The following IL6ST variants were observed in gnomAD, a reference collection of about 807,000 sequenced individuals.
The protein encoded by IL6ST is interleukin-6 receptor subunit beta.
A neutral mutation model predicts 91.3 loss-of-function variants in IL6ST; 24 were observed. That is an observed-to-expected ratio of 0.26 (90% CI 0.19 to 0.37). IL6ST has a LOEUF of 0.37. IL6ST is among the 10% of genes least tolerant of loss of function. The pLI is 1.00. For missense variants in IL6ST, 914 were observed against 1,078.5 expected, an observed-to-expected ratio of 0.85 and a Z score of 2.14; for synonymous variants, 351 against 373.6, an observed-to-expected ratio of 0.94 and a Z score of 0.70.
At chr5:55,981,651 A>T (rs1163801696) in intron 2 of IL6ST, among the ~76,000 whole-genome samples, 3 of 148,526 alleles carry the variant, frequency 2.0e-5, no homozygotes, top group African/African-American at 7.4e-5. Flanking sequence ...TCAAAAAAAT[A>T]AAAAAAAAAA....
chr5:55,988,698 G>A (rs184536769), intron 1 of IL6ST, among the ~76,000 whole-genome samples: 409 of 151,188 alleles, frequency 2.7e-3, no homozygotes, highest in Middle Eastern at 6.8e-3. Flanking sequence ...CCCAGTAGGC[G>A]GAGGTTGCAG....
At chr5:55,951,376 C>T in intron 14 of IL6ST, 88 bp downstream of exon 14, 4 of 1,023,424 alleles carry the variant, frequency 3.9e-6, no homozygotes, top group Non-Finnish European at 5.9e-6. Context: ...CAAAGATGTA[C>T]TTTTTAACAC....
chr5:55,974,052 T>C (rs1215514707), intron 3 of IL6ST, among the ~76,000 whole-genome samples: 2 of 152,172 alleles, frequency 1.3e-5, no homozygotes, highest in Admixed American at 1.3e-4. Flanking sequence ...AAAAACCACC[T>C]GAGAATTTTC....
Position 55,964,326 on chromosome 5 carries a change from A to G in IL6ST, c.492-14T>C, listed in dbSNP as rs200863115. 3 of 1,589,608 alleles carry G rather than the reference A, an allele frequency of 1.9e-6. No individual in the cohort carries two copies. Among genetic ancestry groups the G allele is most frequent in the Non-Finnish European group, 2.6e-6 (3 of 1,166,850 alleles). On this transcript the variant is annotated splice_polypyrimidine_tract_variant and intron_variant, in intron 5 of 16. Coordinates refer to ENST00000381298, the MANE Select transcript of IL6ST (RefSeq NM_002184.4). The stretch of plus-strand genomic sequence containing the variant: ...TTGTGTGTTGCCCTAAATACAAAAA[A>G]TTGAAGAATCAGTCATTAAAAACAC...
At chr5:55,943,894 AC>A (rs572401756) in intron 15 of IL6ST, among the ~76,000 whole-genome samples, 1 of 151,926 alleles carries the variant, frequency 6.6e-6, no homozygotes, top group Non-Finnish European at 1.5e-5. Flanking sequence ...ACATGGTGAA[AC>A]CCCCATCTCT....
intron 11 of IL6ST, among the ~76,000 whole-genome samples, chr5:55,954,011 A>G (rs1479792227): frequency 6.6e-6 from 1 of 152,032 alleles, no homozygotes; most frequent in African/African-American, 2.4e-5. Context: ...AAGTTTCTAT[A>G]GTTATTTCCA....
rs200816863 is a variant in IL6ST at position 55,942,705 on chromosome 5, G to A, written c.1984C>T (p.His662Tyr). 22 of 1,609,160 alleles carry A rather than the reference G, an allele frequency of 1.4e-5. No individual in the cohort carries two copies. Among genetic ancestry groups the A allele is most frequent in the Non-Finnish European group, 1.9e-5 (22 of 1,176,812 alleles). ...GTGTGAGGTGACCACTGGGCAATAT[G>A]ACTCTTTGAAGGATCTGGAACATTA... ...WPNVPDPSKS[H>Y]IAQWSPHTPP... Residue 662 changes from histidine (H) to tyrosine (Y), a missense_variant, in exon 16 of 17, where the codon CAT (histidine) becomes TAT (tyrosine). Coordinates refer to ENST00000381298, the MANE Select transcript of IL6ST (RefSeq NM_002184.4).
intron 2 of IL6ST, among the ~76,000 whole-genome samples, chr5:55,979,444 T>C (rs1753515478): frequency 1.3e-5 from 2 of 152,206 alleles, no homozygotes; most frequent in Non-Finnish European, 2.9e-5. Context: ...TGTACACTTA[T>C]GAGTTCTGTT....
rs57970223 is a variant in IL6ST, at chr5:55,936,341, GTTT to G, written c.*4738_*4740del. ...ACTTGGGCTCTTGACAACCAAGTAG[GTTT>G]TTTTTTTTTTTTTTTTTTTTAATGT... On this transcript the variant is annotated 3_prime_UTR_variant, in exon 17 of 17. Transcript: ENST00000381298. The G allele has an allele frequency of 6.3e-3, 926 of 147,934 alleles. No individual in the cohort carries two copies. The highest frequency in any genetic ancestry group is 0.012 in the East Asian group (109 of 9,416). The allele number at this position is 147,934 out of a possible 1,614,324, so 9.2% of individuals were successfully genotyped here. A position where few individuals can be genotyped will look rare whatever the true frequency, so the allele number is the denominator to read the frequency against.
chr5:55,993,826 G>A (rs1484021707), intron 1 of IL6ST, among the ~76,000 whole-genome samples: 1 of 152,132 alleles, frequency 6.6e-6, no homozygotes, highest in Non-Finnish European at 1.5e-5. Flanking sequence ...ATGGCACACA[G>A]CTAAACTGAT....
chr5:55,945,647 G>GTTT (rs1751197944), intron 15 of IL6ST, among the ~76,000 whole-genome samples: 1 of 54,234 alleles, frequency 1.8e-5, no homozygotes, highest in Non-Finnish European at 4.0e-5. Flanking sequence ...AAAAACTTAT[G>GTTT]CTTTTTTTTT....
intron 1 of IL6ST, among the ~76,000 whole-genome samples, chr5:55,984,280 T>A (rs1246450254): frequency 2.6e-5 from 4 of 152,246 alleles, no homozygotes; most frequent in Non-Finnish European, 4.4e-5. Flanking sequence ...AAATACAATA[T>A]AATTAAATTA....
intron 2 of IL6ST, among the ~76,000 whole-genome samples, chr5:55,977,212 G>A (rs1194650537): frequency 1.3e-5 from 2 of 151,360 alleles, no homozygotes; most frequent in African/African-American, 2.4e-5. Context: ...CTGAATAAAC[G>A]AAGCCAGACA....
chr5:55,964,060 TCTTA>T, intron 6 of IL6ST, 82 bp downstream of exon 6: 1 of 624,694 alleles, frequency 1.6e-6, no homozygotes, highest in Non-Finnish European at 2.5e-6. Context: ...TACATTAAAA[TCTTA>T]AAAAATCTAA....
In IL6ST at chr5:55,951,915, T is replaced by A. The variant is rs1751656430; in HGVS notation, c.1699+14A>T. On this transcript the variant is annotated intron_variant, in intron 13 of 16. Transcript: ENST00000381298. ...AAAATAACTGATTCTTAATAACTGA[T>A]ACAGTTTTATTACCAGTTTCATTTC... The A allele has an allele frequency of 1.5e-6, 2 of 1,355,126 alleles. No individual in the cohort carries two copies. Among genetic ancestry groups the A allele is most frequent in the Non-Finnish European group, 2.1e-6 (2 of 959,466 alleles). The allele number at this position is 1,355,126 out of a possible 1,614,324, so 83.9% of individuals were successfully genotyped here.
chr5:55,967,739 T>C (rs1290508958), intron 5 of IL6ST, among the ~76,000 whole-genome samples: 1 of 152,138 alleles, frequency 6.6e-6, no homozygotes, highest in Admixed American at 6.5e-5. Context: ...CTGACCAGTG[T>C]TGAAGCTGAG....
intron 1 of IL6ST, among the ~76,000 whole-genome samples, chr5:55,992,061 T>C (rs1356504123): frequency 6.6e-6 from 1 of 152,242 alleles, no homozygotes; most frequent in Non-Finnish European, 1.5e-5. Flanking sequence ...TTCCAATGTC[T>C]TTCCTGACTC....
rs1302831982 is a variant in IL6ST, at chr5:55,941,518, A to C, written c.2321T>G (p.Val774Gly). The C allele has an allele frequency of 4.3e-6, 7 of 1,614,032 alleles. No homozygotes were observed. The highest frequency in any genetic ancestry group is 5.9e-6 in the Non-Finnish European group (7 of 1,180,014). ...HSGYRHQVPS[V>G]QVFSRSESTQ... ...AGACTCGGATCTTGAGAAGACTTGG[A>C]CTGACGGAACTTGGTGTCTGTAGCC... Residue 774 changes from valine (V) to glycine (G), a missense_variant, in exon 17 of 17, where the codon GTC (valine) becomes GGC (glycine). By Grantham distance (109) the Val-to-Gly change is moderately radical. Coordinates refer to ENST00000381298, the MANE Select transcript of IL6ST (RefSeq NM_002184.4).
intron 1 of IL6ST, among the ~76,000 whole-genome samples, chr5:55,983,224 G>A (rs1413215576): frequency 1.3e-5 from 2 of 152,010 alleles, no homozygotes; most frequent in African/African-American, 4.8e-5. Context: ...AGCTCAAAGG[G>A]ATCTGCCCAC....
Sources: gnomAD v4.1 joint callset for allele counts (sites outside exome capture counted in the v4.1 genomes callset) on GRCh38, gnomAD v4.1.1 for gene constraint, MANE v1.5 for transcripts, NCBI Gene and HGNC (gene_info 2026-07-23, HGNC 2026-07-21) for gene names.